ST3GAL6: variants seen among roughly 807,000 people sequenced by gnomAD.
The protein encoded by ST3GAL6 is ST3 beta-galactoside alpha-2,3-sialyltransferase 6.
Under a neutral mutation model 40.5 loss-of-function variants are expected in ST3GAL6, and 31 were observed. The observed-to-expected ratio is 0.77, with a 90% CI of 0.58 to 1.03. ST3GAL6 has a LOEUF of 1.03. ST3GAL6 is among the 50% of genes least tolerant of loss of function. The pLI is 0.00. For missense variants in ST3GAL6, 357 were observed against 393.2 expected, an observed-to-expected ratio of 0.91 and a Z score of 0.78; for synonymous variants, 129 against 136.9, an observed-to-expected ratio of 0.94 and a Z score of 0.40.
intron 1 of ST3GAL6, among the ~76,000 whole-genome samples, chr3:98,743,206 G>T (rs1936266626): frequency 6.6e-6 from 1 of 151,370 alleles, no homozygotes; most frequent in Non-Finnish European, 1.5e-5. Flanking sequence ...TTTTCCTGGA[G>T]ATGGGGTTTC....
intron 5 of ST3GAL6, among the ~76,000 whole-genome samples, 194 bp downstream of exon 5, chr3:98,774,177 C>G (rs898837589): frequency 6.6e-6 from 1 of 152,158 alleles, no homozygotes; most frequent in South Asian, 2.1e-4. Flanking sequence ...CTGGTTGGCT[C>G]AAAAGTTTGC....
chr3:98,762,883 A>G, upstream of ST3GAL6: 1 of 985,410 alleles, frequency 1.0e-6, no homozygotes, highest in Non-Finnish European at 1.2e-6. Flanking sequence ...AGGGCTTAGT[A>G]CTGTGCTGGC....
intron 1 of ST3GAL6, chr3:98,732,980 G>A: frequency 6.7e-7 from 1 of 1,491,966 alleles, no homozygotes; most frequent in Non-Finnish European, 8.9e-7. Context: ...CACTCTTGCC[G>A]GCCGGCTTCG....
At chr3:98,742,571 A>G (rs1226994790) in intron 1 of ST3GAL6, among the ~76,000 whole-genome samples, 2 of 152,164 alleles carry the variant, frequency 1.3e-5, no homozygotes, top group African/African-American at 4.8e-5. Flanking sequence ...ACCCTTATTG[A>G]GGGGTCCATG....
intron 1 of ST3GAL6, among the ~76,000 whole-genome samples, chr3:98,766,439 G>GTTTT (rs1938350477): frequency 8.0e-6 from 1 of 124,422 alleles, no homozygotes; most frequent in Non-Finnish European, 1.6e-5. Flanking sequence ...TTTTTTTTTG[G>GTTTT]GAAAGGGAGT....
chr3:98,760,118 A>G (rs1169025169), upstream of ST3GAL6, among the ~76,000 whole-genome samples: 1 of 152,238 alleles, frequency 6.6e-6, no homozygotes, highest in Non-Finnish European at 1.5e-5. Flanking sequence ...GTCAAGCCCT[A>G]AAGACTCTTA....
At chr3:98,735,378 A>G (rs1475324792) in intron 1 of ST3GAL6, among the ~76,000 whole-genome samples, 1 of 152,140 alleles carries the variant, frequency 6.6e-6, no homozygotes, top group East Asian at 1.9e-4. Flanking sequence ...CTTTCTAGTT[A>G]TCCCCAGGCT....
At chr3:98,749,954 G>T (rs1172794673) in intron 1 of ST3GAL6, among the ~76,000 whole-genome samples, 1 of 152,196 alleles carries the variant, frequency 6.6e-6, no homozygotes, top group Non-Finnish European at 1.5e-5. Flanking sequence ...TGTATAGGTG[G>T]TTGGGAGGTG....
rs1937463271 is a variant in ST3GAL6 at position 98,756,933 on chromosome 3, T to TC, written c.-11-11494dup. 3.9e-5 allele frequency among the ~76,000 whole-genome samples: 6 copies of TC among 152,356 alleles called. No individual in the cohort carries two copies. The South Asian group carries it at 1.0e-3, about 26-fold the overall frequency. On this transcript the variant is annotated intron_variant, in intron 1 of 9. Coordinates refer to the ST3GAL6 transcript ENST00000265261. Reference sequence around the variant, plus strand: ...CAGCTTTATATTGGGCAAGAGGGTTTCCCTCTTTGGGCCTTGTTTTCTCAA... The same window carrying TC: ...CAGCTTTATATTGGGCAAGAGGGTTTCCCCTCTTTGGGCCTTGTTTTCTCAA...
rs1469362602 is a variant in ST3GAL6 at position 98,792,428 on chromosome 3, A to G, written c.909+435A>G. ...ATCTTCATGATCAAAAAGGTTACCAACTTTCATACTGGATCACACTTCTCT... is the reference window on the plus strand; with the variant it reads ...ATCTTCATGATCAAAAAGGTTACCAGCTTTCATACTGGATCACACTTCTCT... On this transcript the variant is annotated intron_variant, in intron 9 of 9. Transcript: ENST00000483910. Among the ~76,000 whole-genome samples, 7 of 152,146 alleles carry G rather than the reference A, an allele frequency of 4.6e-5. No homozygotes were observed. The South Asian group carries it at 6.2e-4, about 14-fold the overall frequency.
chr3:98,763,171 A>G, upstream of ST3GAL6: 1 of 1,196,660 alleles, frequency 8.4e-7, no homozygotes, highest in Non-Finnish European at 1.1e-6. Context: ...TGGACCAAAA[A>G]AAATCTAGAC....
At chr3:98,754,989 C>T (rs1032609340) in intron 1 of ST3GAL6, among the ~76,000 whole-genome samples, 11 of 152,158 alleles carry the variant, frequency 7.2e-5, no homozygotes, top group Non-Finnish European at 4.4e-5. Flanking sequence ...TGCTTTATTG[C>T]AGTGGTGTGG....
intron 6 of ST3GAL6, among the ~76,000 whole-genome samples, chr3:98,786,545 C>A (rs1026939651): frequency 1.1e-4 from 16 of 152,116 alleles, no homozygotes; most frequent in African/African-American, 3.9e-4. Context: ...CCCGGCTGGA[C>A]TAGGTCGAAG....
At chr3:98,734,059 G>A (rs1935309562) in intron 1 of ST3GAL6, among the ~76,000 whole-genome samples, 1 of 152,144 alleles carries the variant, frequency 6.6e-6, no homozygotes, top group South Asian at 2.1e-4. Context: ...TCGTGTCCAC[G>A]CTGACCTTTG....
intron 1 of ST3GAL6, among the ~76,000 whole-genome samples, chr3:98,742,290 C>A (rs543684075): frequency 6.6e-6 from 1 of 152,112 alleles, no homozygotes; most frequent in Non-Finnish European, 1.5e-5. Flanking sequence ...AATATGTTTT[C>A]TAAGTTTGAG....
intron 2 of ST3GAL6, among the ~76,000 whole-genome samples, chr3:98,769,718 T>TG (rs559991896): frequency 2.6e-5 from 4 of 152,246 alleles, no homozygotes; most frequent in Non-Finnish European, 5.9e-5. Flanking sequence ...CAGTTGTTTG[T>TG]GCAATGAACT....
At chr3:98,733,433 T>C (rs905207980) in intron 1 of ST3GAL6, 24 of 999,294 alleles carry the variant, frequency 2.4e-5, no homozygotes, top group Non-Finnish European at 2.9e-5. Context: ...CGTTCACTAT[T>C]GTTTTCTTGT....
At chr3:98,780,919 C>T (rs188679717) in intron 5 of ST3GAL6, among the ~76,000 whole-genome samples, 9 of 152,260 alleles carry the variant, frequency 5.9e-5, no homozygotes, top group South Asian at 2.1e-4. Context: ...TAACTGACCA[C>T]GTCTAAGACT....
intron 3 of ST3GAL6, chr3:98,771,232 C>T (rs1024813821): frequency 1.3e-5 from 15 of 1,145,218 alleles, no homozygotes; most frequent in Admixed American, 1.1e-4. Flanking sequence ...TATAAAAAAG[C>T]GAATTGTTCT....
Sources: gnomAD v4.1 joint callset for allele counts (sites outside exome capture counted in the v4.1 genomes callset) on GRCh38, gnomAD v4.1.1 for gene constraint, MANE v1.5 for transcripts, NCBI Gene and HGNC (gene_info 2026-07-23, HGNC 2026-07-21) for gene names.